Variants in PTPRT observed in about 807,000 individuals in gnomAD.
PTPRT encodes receptor-type tyrosine-protein phosphatase T.
PTPRT carries 56 observed loss-of-function variants against 176.8 expected under a neutral mutation model. The ratio of observed to expected loss-of-function variants is 0.32; its 90% CI spans 0.26 to 0.40. The LOEUF (loss-of-function observed/expected upper bound fraction) is 0.40. PTPRT is among the 10% of genes least tolerant of loss of function. The probability of loss-of-function intolerance (pLI) is 1.00; values close to 1 mark genes in which losing one functional copy is unlikely to be tolerated. For missense variants in PTPRT, 1,540 were observed against 1,908.2 expected (o/e 0.81, Z 3.60); for synonymous variants, 783 against 739.0 (o/e 1.06, Z -0.96).
chr20:42,195,522 T>TC (rs1991179134), intron 16 of PTPRT, among the ~76,000 whole-genome samples: 1 of 151,894 alleles, frequency 6.6e-6, no homozygotes. Flanking sequence ...CAGGGCATTT[T>TC]AAAGGTACCT....
chr20:43,164,891 A>G (rs1165799233), intron 1 of PTPRT, among the ~76,000 whole-genome samples: 1 of 152,196 alleles, frequency 6.6e-6, no homozygotes. Context: ...GCCATACAAA[A>G]ACAGGCAGCA....
chr20:43,016,844 T>G (rs1343136939), intron 1 of PTPRT, among the ~76,000 whole-genome samples: 1 of 151,970 alleles, frequency 6.6e-6, no homozygotes, highest in East Asian at 1.9e-4. Flanking sequence ...GCCCTCTCAC[T>G]GCCTATCTCC....
At chr20:42,676,918 G>A (rs1164882540) in intron 7 of PTPRT, among the ~76,000 whole-genome samples, 1 of 151,946 alleles carries the variant, frequency 6.6e-6, no homozygotes, top group Non-Finnish European at 1.5e-5. Flanking sequence ...GGACACAGTT[G>A]GATCCAGAGA....
intron 6 of PTPRT, among the ~76,000 whole-genome samples, chr20:42,704,652 C>T (rs1439468544): frequency 6.6e-6 from 1 of 152,026 alleles, no homozygotes; most frequent in African/African-American, 2.4e-5. Flanking sequence ...CTTCTCTGAC[C>T]CCAGGTAGAC....
At chr20:42,241,202 C>T (rs1213208094) in intron 14 of PTPRT, among the ~76,000 whole-genome samples, 1 of 152,108 alleles carries the variant, frequency 6.6e-6, no homozygotes, top group African/African-American at 2.4e-5. Flanking sequence ...ACACATGGAG[C>T]TGTCAGTCCA....
rs559514609 is a variant in PTPRT at position 42,366,552 on chromosome 20, G to A, written c.1561-14267C>T. ...CTCTGTCCAGTTCTTCTTCTGTCCCGTTCTTCTTCTGTCCCATCTGAGTGA... is the reference window on the plus strand; with the variant it reads ...CTCTGTCCAGTTCTTCTTCTGTCCCATTCTTCTTCTGTCCCATCTGAGTGA... On this transcript the variant is annotated intron_variant, in intron 9 of 30. Coordinates refer to ENST00000373187, the MANE Select transcript of PTPRT (RefSeq NM_007050.6). Among the ~76,000 whole-genome samples, 17 of 152,172 alleles carry A rather than the reference G, an allele frequency of 1.1e-4. 1 individual carries two copies. Among genetic ancestry groups the A allele is most frequent in the Admixed American group, 5.2e-4 (8 of 15,286 alleles).
chr20:43,026,497 G>T lies in PTPRT; in HGVS notation c.89-140565C>A, dbSNP rs573818401. The stretch of plus-strand genomic sequence containing the variant: ...ATTTCTGGGGTACATGAGATATATT[G>T]ATACAGGCATGCAATGCATAACAAT... On this transcript the variant is annotated intron_variant, in intron 1 of 30. Coordinates refer to ENST00000373187, the MANE Select transcript of PTPRT (RefSeq NM_007050.6). Among the ~76,000 whole-genome samples, 44 of 152,206 alleles carry T rather than the reference G, an allele frequency of 2.9e-4. 1 individual carries two copies. The East Asian group carries it at 8.3e-3, about 29-fold the overall frequency.
At chr20:42,472,215 T>C (rs780865146) in intron 8 of PTPRT, 51 bp downstream of exon 8, 1 of 1,569,440 alleles carries the variant, frequency 6.4e-7, no homozygotes, top group Non-Finnish European at 8.7e-7. Flanking sequence ...CATGGCCCTG[T>C]GAATAGATTC....
At chr20:42,715,941 T>C (rs760856678) in intron 6 of PTPRT, among the ~76,000 whole-genome samples, 6 of 152,198 alleles carry the variant, frequency 3.9e-5, no homozygotes, top group Non-Finnish European at 8.8e-5. Flanking sequence ...AATCCAGAGA[T>C]ATATGGGAAC....
chr20:42,767,936 TATAAC>T (rs1261107956), intron 5 of PTPRT, among the ~76,000 whole-genome samples: 4 of 144,032 alleles, frequency 2.8e-5, no homozygotes, highest in Non-Finnish European at 3.0e-5. Context: ...TGATATATAT[TATAAC>T]ATACTATATA....
intron 1 of PTPRT, among the ~76,000 whole-genome samples, chr20:43,076,239 G>A (rs1055819635): frequency 2.6e-5 from 4 of 152,032 alleles, no homozygotes; most frequent in Non-Finnish European, 4.4e-5. Context: ...TACCTTCCCA[G>A]TTTCTCATGA....
intron 1 of PTPRT, among the ~76,000 whole-genome samples, chr20:42,960,735 C>G (rs1169357818): frequency 6.6e-6 from 1 of 152,060 alleles, no homozygotes; most frequent in Admixed American, 6.6e-5. Context: ...AAACAACCAG[C>G]AGGTAATACA....
At chr20:42,373,913 C>T (rs1470887037) in intron 9 of PTPRT, among the ~76,000 whole-genome samples, 2 of 152,190 alleles carry the variant, frequency 1.3e-5, no homozygotes, top group Non-Finnish European at 2.9e-5. Context: ...CACCTCACAG[C>T]ATGAGTCATG....
intron 9 of PTPRT, among the ~76,000 whole-genome samples, chr20:42,444,016 T>C (rs766663533): frequency 8.5e-5 from 13 of 152,164 alleles, no homozygotes; most frequent in Non-Finnish European, 1.8e-4. Context: ...CCTTCATTCC[T>C]CTGTGTAGAA....
chr20:42,468,396 C>G (rs757021510), intron 8 of PTPRT, among the ~76,000 whole-genome samples: 1 of 152,174 alleles, frequency 6.6e-6, no homozygotes, highest in Non-Finnish European at 1.5e-5. Flanking sequence ...GGAACTTAAC[C>G]CTGGCATACA....
At chr20:42,718,330 G>T (rs960210273) in intron 6 of PTPRT, among the ~76,000 whole-genome samples, 35 of 152,266 alleles carry the variant, frequency 2.3e-4, no homozygotes, top group Middle Eastern at 3.4e-3. Context: ...GAGGTCAGGG[G>T]ATCAAGACCA....
chr20:42,085,460 CTAATGTCTAAG>C (rs1983792948), intron 28 of PTPRT, among the ~76,000 whole-genome samples: 1 of 152,096 alleles, frequency 6.6e-6, no homozygotes, highest in East Asian at 1.9e-4. Context: ...TGGGGAAGAG[CTAATGTCTAAG>C]AAGTTTTGTC....
intron 1 of PTPRT, among the ~76,000 whole-genome samples, chr20:43,038,630 T>TA (rs1215704228): frequency 6.6e-6 from 1 of 152,136 alleles, no homozygotes; most frequent in Non-Finnish European, 1.5e-5. Flanking sequence ...ATAAAAGAGC[T>TA]ATAAGCATTT....
chr20:42,205,343 G>A (rs2055428609), intron 15 of PTPRT, among the ~76,000 whole-genome samples: 1 of 152,090 alleles, frequency 6.6e-6, no homozygotes, highest in South Asian at 2.1e-4. Flanking sequence ...CCTCCTCTTT[G>A]CTCATTAATT....
Sources: allele counts gnomAD v4.1 joint callset (sites outside exome capture counted in the v4.1 genomes callset), GRCh38; gene constraint gnomAD v4.1.1; transcripts MANE v1.5; gene names NCBI Gene and HGNC (gene_info 2026-07-23, HGNC 2026-07-21).